The following UGT8 variants were observed in gnomAD, a reference collection of about 807,000 sequenced individuals.
UGT8 encodes the protein 2-hydroxyacylsphingosine 1-beta-galactosyltransferase.
A neutral mutation model predicts 40.5 loss-of-function variants in UGT8; 12 were observed. The observed-to-expected ratio is 0.30, with a 90% CI of 0.19 to 0.48. The LOEUF is 0.48. Among genes scored for constraint, UGT8 ranks in the 20% least tolerant of loss-of-function variants. The pLI is 0.99. For synonymous variants in UGT8, 224 were observed against 240.4 expected, an observed-to-expected ratio of 0.93 and a Z score of 0.63; for missense variants, 513 against 648.7, an observed-to-expected ratio of 0.79 and a Z score of 2.27.
intron 2 of UGT8, among the ~76,000 whole-genome samples, chr4:114,630,336 C>T (rs1442607866): frequency 6.6e-6 from 1 of 152,170 alleles, no homozygotes; most frequent in East Asian, 1.9e-4. Context: ...AGGAATCAGC[C>T]TAATTAAAAT....
chr4:114,601,611 C>G (rs916664487), intron 1 of UGT8, among the ~76,000 whole-genome samples: 1 of 151,996 alleles, frequency 6.6e-6, no homozygotes. Context: ...GCCATTATAA[C>G]CCACAAGCAA....
intron 2 of UGT8, chr4:114,656,761 G>A: frequency 3.9e-6 from 2 of 519,216 alleles, no homozygotes; most frequent in Non-Finnish European, 7.9e-6. Context: ...GCTGTATTTG[G>A]GGGAGTGAAG....
At chr4:114,648,882 A>G (rs1733737114) in intron 2 of UGT8, among the ~76,000 whole-genome samples, 1 of 152,166 alleles carries the variant, frequency 6.6e-6, no homozygotes, top group African/African-American at 2.4e-5. Context: ...GGAACTTTAA[A>G]TAGCCTAGAT....
At chr4:114,645,242 C>T (rs1013255506) in intron 2 of UGT8, among the ~76,000 whole-genome samples, 2 of 152,188 alleles carry the variant, frequency 1.3e-5, no homozygotes, top group Non-Finnish European at 2.9e-5. Context: ...CTCTTTAAAA[C>T]AATCCCAGTG....
rs1435061359 is a variant in UGT8, at chr4:114,676,099, T to C, written c.1437T>C (p.Phe479=). ...FCQYFLLDIA[F]VLLLGAALLY... ...AGTATTTTTTACTGGATATTGCCTTTGTGCTTTTGCTTGGTGCTGCCTTGT... is the reference window on the plus strand; with the variant it reads ...AGTATTTTTTACTGGATATTGCCTTCGTGCTTTTGCTTGGTGCTGCCTTGT... Residue 479 remains phenylalanine, a synonymous_variant, in exon 6 of 6, where the codon TTT becomes TTC. Transcript: ENST00000310836. 3.7e-6 allele frequency: 6 copies of C among 1,614,250 alleles called. No individual in the cohort carries two copies. The South Asian group carries it at 6.6e-5, about 18-fold the overall frequency.
At chr4:114,658,534 C>G (rs1207860359) in intron 2 of UGT8, among the ~76,000 whole-genome samples, 1 of 152,180 alleles carries the variant, frequency 6.6e-6, no homozygotes, top group African/African-American at 2.4e-5. Flanking sequence ...CTGTTATCCT[C>G]TCTAGAGGTC....
intron 2 of UGT8, among the ~76,000 whole-genome samples, chr4:114,632,812 T>C (rs768000583): frequency 2.0e-5 from 3 of 152,238 alleles, no homozygotes; most frequent in South Asian, 2.1e-4. Flanking sequence ...TTAATACATA[T>C]GTTTTGAATT....
At chr4:114,656,941 A>G in intron 2 of UGT8, 1 of 426,362 alleles carries the variant, frequency 2.3e-6, no homozygotes, top group South Asian at 1.8e-5. Context: ...CAAGTGTCAG[A>G]TATGGTACAT....
chr4:114,630,079 A>G (rs1369082431), intron 2 of UGT8, among the ~76,000 whole-genome samples: 1 of 152,196 alleles, frequency 6.6e-6, no homozygotes. Context: ...TGAAATTTAA[A>G]TTGCTACTGC....
At chr4:114,618,526 C>G (rs542632912) in intron 1 of UGT8, among the ~76,000 whole-genome samples, 1 of 152,260 alleles carries the variant, frequency 6.6e-6, no homozygotes, top group South Asian at 2.1e-4. Context: ...ATTCTTCACT[C>G]AAATTTCCAG....
At chr4:114,655,035 C>G (rs1231518603) in intron 2 of UGT8, among the ~76,000 whole-genome samples, 1 of 151,638 alleles carries the variant, frequency 6.6e-6, no homozygotes, top group Non-Finnish European at 1.5e-5. Context: ...AGACCACTTA[C>G]CAATTCCCGG....
rs1254413470 is a variant in UGT8 at position 114,676,306 on chromosome 4, TAGAA to T, written c.*20_*23del. On this transcript the variant is annotated 3_prime_UTR_variant, in exon 6 of 6. Coordinates refer to ENST00000310836, the MANE Select transcript of UGT8 (RefSeq NM_001128174.3). ...TGAAATGAGCCAACAGCCCAGGTGATAGAAATAAATTGGTTCACTCATTGAATTT... is the reference window on the plus strand; with the variant it reads ...TGAAATGAGCCAACAGCCCAGGTGATATAAATTGGTTCACTCATTGAATTT... 3 of 1,541,286 alleles carry T rather than the reference TAGAA, an allele frequency of 1.9e-6. No homozygotes were observed. The South Asian group carries it at 3.8e-5, about 20-fold the overall frequency.
chr4:114,645,924 GAA>G (rs1272684215), intron 2 of UGT8, among the ~76,000 whole-genome samples: 5 of 152,160 alleles, frequency 3.3e-5, no homozygotes, highest in African/African-American at 1.2e-4. Context: ...TGAAGGGACA[GAA>G]GAGAGAATGA....
rs941507046 is a variant in UGT8 at position 114,656,625 on chromosome 4, A to G, written c.823-7370A>G. ...TCTTGTGAATAAACTCACATGCTAC[A>G]AGAAGTGTGGTAGGTGCCCTGTTGA... On this transcript the variant is annotated intron_variant, in intron 2 of 5. Coordinates refer to ENST00000310836, the MANE Select transcript of UGT8 (RefSeq NM_001128174.3). 10 of 315,358 alleles carry G rather than the reference A, an allele frequency of 3.2e-5. No individual in the cohort carries two copies. The Middle Eastern group carries it at 1.3e-3, about 42-fold the overall frequency. The allele number at this position is 315,358 out of a possible 1,614,324, so 19.5% of individuals were successfully genotyped here.
intron 2 of UGT8, among the ~76,000 whole-genome samples, chr4:114,627,547 C>T (rs373182123): frequency 5.9e-5 from 9 of 152,006 alleles, no homozygotes; most frequent in African/African-American, 1.4e-4. Context: ...TGTGAGCCAC[C>T]GCGCCTGGCC....
chr4:114,619,550 C>G (rs1731650714), intron 1 of UGT8: 1 of 152,006 alleles, frequency 6.6e-6, no homozygotes, highest in African/African-American at 2.4e-5. Flanking sequence ...CATATGTGTA[C>G]ACATGTATAT....
intron 2 of UGT8, chr4:114,656,623 A>G (rs555352116): frequency 8.0e-5 from 25 of 314,354 alleles, no homozygotes; most frequent in African/African-American, 4.8e-4. Flanking sequence ...CTCACATGCT[A>G]CAAGAAGTGT....
chr4:114,656,701 C>T, intron 2 of UGT8: 1 of 452,882 alleles, frequency 2.2e-6, no homozygotes, highest in Non-Finnish European at 4.6e-6. Context: ...TTGTTGTGAT[C>T]TTGGTAAATA....
chr4:114,638,783 T>C (rs1733037942), intron 2 of UGT8, among the ~76,000 whole-genome samples: 1 of 152,250 alleles, frequency 6.6e-6, no homozygotes, highest in South Asian at 2.1e-4. Flanking sequence ...CATTTTGTGA[T>C]TCCACTAAGT....
Sources: allele counts gnomAD v4.1 joint callset (sites outside exome capture counted in the v4.1 genomes callset), GRCh38; gene constraint gnomAD v4.1.1; transcripts MANE v1.5; gene names NCBI Gene and HGNC (gene_info 2026-07-23, HGNC 2026-07-21).